The following MEGF6 variants were observed in gnomAD, a reference collection of about 807,000 sequenced individuals.
The protein encoded by MEGF6 is multiple epidermal growth factor-like domains protein 6.
MEGF6 carries 184 observed loss-of-function variants against 207.1 expected under a neutral mutation model. The ratio of observed to expected loss-of-function variants is 0.89; its 90% CI spans 0.79 to 1.00. The LOEUF is 1.00. Among genes scored for constraint, MEGF6 ranks in the 50% least tolerant of loss-of-function variants. MEGF6 has a pLI of 0.00. For missense variants in MEGF6, 2,282 were observed against 2,202.9 expected, an observed-to-expected ratio of 1.04 and a Z score of -0.72; for synonymous variants, 1,038 against 910.0, an observed-to-expected ratio of 1.14 and a Z score of -2.53.
intron 3 of MEGF6, among the ~76,000 whole-genome samples, chr1:3,582,006 C>T (rs907655883): frequency 1.3e-5 from 2 of 152,226 alleles, no homozygotes; most frequent in African/African-American, 4.8e-5. Flanking sequence ...AAAATCCCAG[C>T]CAGATCCAGC....
intron 4 of MEGF6, among the ~76,000 whole-genome samples, chr1:3,563,929 C>A (rs540611614): frequency 6.6e-6 from 1 of 152,174 alleles, no homozygotes; most frequent in Non-Finnish European, 1.5e-5. Flanking sequence ...CAAAACCCTG[C>A]GACCTGAGGG....
chr1:3,501,120 T>C (rs779359694), intron 19 of MEGF6, 26 bp from the exon 20 acceptor site: 2 of 1,612,242 alleles, frequency 1.2e-6, no homozygotes, highest in South Asian at 2.2e-5. Flanking sequence ...AGAGGGTGAG[T>C]GGGGCCTGGC....
chr1:3,605,705 C>G (rs1250319665), intron 1 of MEGF6, among the ~76,000 whole-genome samples: 3 of 152,202 alleles, frequency 2.0e-5, no homozygotes, highest in Non-Finnish European at 2.9e-5. Flanking sequence ...CTCTCAAACT[C>G]CCATTCACAC....
intron 1 of MEGF6, among the ~76,000 whole-genome samples, chr1:3,607,244 C>T (rs963159095): frequency 6.6e-6 from 1 of 151,994 alleles, no homozygotes; most frequent in African/African-American, 2.4e-5. Context: ...CCCTGGACCA[C>T]CCAGCAGCCC....
rs146089360 is a variant in MEGF6, at chr1:3,497,963, G to A, written c.3352+408C>T. Among the ~76,000 whole-genome samples, 1,278 of 152,264 alleles carry A rather than the reference G, an allele frequency of 8.4e-3. 18 individuals are homozygous for A. The highest frequency in any genetic ancestry group is 0.027 in the Middle Eastern group (8 of 294). On this transcript the variant is annotated intron_variant, in intron 26 of 36. Coordinates refer to ENST00000356575, the MANE Select transcript of MEGF6 (RefSeq NM_001409.4). The stretch of plus-strand genomic sequence containing the variant: ...CTCTGGAGGGGCTGAGGCCCCGCTG[G>A]GTGGACCAGGCCCTGCCGGCACAGC...
Position 3,490,110 on chromosome 1 carries a change from G to T in MEGF6, c.*418C>A, listed in dbSNP as rs1187753200. 4.9e-6 allele frequency: 1 copy of T among 204,806 alleles called. No individual in the cohort carries two copies. Among genetic ancestry groups the T allele is most frequent in the South Asian group, 9.7e-5 (1 of 10,312 alleles). 12.7% of individuals were successfully genotyped at this position (204,806 alleles called of 1,614,324 possible). On this transcript the variant is annotated 3_prime_UTR_variant, in exon 37 of 37. Coordinates refer to ENST00000356575, the MANE Select transcript of MEGF6 (RefSeq NM_001409.4). ...CCCATAAATACCTTTACATAAATACGGGCTGGGCGACTTCCAGTCCCAGGG... is the reference window on the plus strand; with the variant it reads ...CCCATAAATACCTTTACATAAATACTGGCTGGGCGACTTCCAGTCCCAGGG...
At chr1:3,517,254 C>T (rs1353383407) in intron 5 of MEGF6, among the ~76,000 whole-genome samples, 2 of 152,344 alleles carry the variant, frequency 1.3e-5, no homozygotes, top group East Asian at 1.9e-4. Flanking sequence ...CCACAAGGGC[C>T]CAGGAGGCTG....
chr1:3,501,620 T>G (rs1640871256), intron 18 of MEGF6, among the ~76,000 whole-genome samples, 176 bp downstream of exon 18: 1 of 151,996 alleles, frequency 6.6e-6, no homozygotes, highest in Admixed American at 6.5e-5. Flanking sequence ...CCCAGGAACT[T>G]GGTGGGGCAG....
intron 32 of MEGF6, 51 bp from the exon 33 acceptor site, chr1:3,494,175 C>A (rs1220629293): frequency 6.6e-7 from 1 of 1,518,690 alleles, no homozygotes; most frequent in Admixed American, 2.1e-5. Flanking sequence ...GCAGAAATGT[C>A]CAGTTTGCCC....
At chr1:3,541,631 C>T (rs1642524939) in intron 4 of MEGF6, among the ~76,000 whole-genome samples, 1 of 152,234 alleles carries the variant, frequency 6.6e-6, no homozygotes, top group Non-Finnish European at 1.5e-5. Context: ...CGGTCAGCGC[C>T]CAGGCTTCCT....
intron 12 of MEGF6, 144 bp from the exon 13 acceptor site, chr1:3,508,833 C>G: frequency 8.5e-7 from 1 of 1,172,218 alleles, no homozygotes; most frequent in Non-Finnish European, 1.2e-6. Context: ...GACATGGGGA[C>G]AGATGCTGGG....
rs541206898 is a variant in MEGF6 at position 3,554,833 on chromosome 1, A to T, written c.481+24992T>A. Among the ~76,000 whole-genome samples, 72 of 152,354 alleles carry T rather than the reference A, an allele frequency of 4.7e-4. No individual in the cohort carries two copies. In the South Asian group the frequency reaches 9.1e-3, roughly 19 times the overall value. On this transcript the variant is annotated intron_variant, in intron 4 of 36. Coordinates refer to ENST00000356575, the MANE Select transcript of MEGF6 (RefSeq NM_001409.4). ...TGATCACATCTACAAAGTCGTTGCCATTCAAGGTAAAGGTCACAGTTCCCT... is the reference window on the plus strand; with the variant it reads ...TGATCACATCTACAAAGTCGTTGCCTTTCAAGGTAAAGGTCACAGTTCCCT...
chr1:3,492,842 G>C, intron 34 of MEGF6, 75 bp from the exon 35 acceptor site: 8 of 1,550,650 alleles, frequency 5.2e-6, no homozygotes, highest in Non-Finnish European at 6.1e-6. Flanking sequence ...CCTGGGCCTA[G>C]GGGCCCGCGG....
In MEGF6 at chr1:3,541,333, C is replaced by A. The variant is rs77282509; in HGVS notation, c.482-17087G>T. On this transcript the variant is annotated intron_variant, in intron 4 of 36. Transcript: ENST00000356575. ...CTCTTCCGGTTCAGCAAGAGCACAT[C>A]GTCCCAGGAAGCAACAAAGTCCTGG... is the stretch of plus-strand genomic sequence containing the variant. Among the ~76,000 whole-genome samples the A allele has an allele frequency of 1.1e-4, 16 of 152,278 alleles. No homozygotes were observed. The East Asian group carries it at 1.9e-3, about 18-fold the overall frequency.
Position 3,562,806 on chromosome 1 carries a change from G to A in MEGF6, c.481+17019C>T, listed in dbSNP as rs185260626. On this transcript the variant is annotated intron_variant, in intron 4 of 36. Transcript: ENST00000356575. ...TGCTGACCAGCCCCTCGACCAGACC[G>A]CCCCGTCCAGCACTCAAGGCCAGCA... is the stretch of plus-strand genomic sequence containing the variant. 2.4e-3 allele frequency among the ~76,000 whole-genome samples: 358 copies of A among 152,178 alleles called. 2 individuals carry two copies. Among genetic ancestry groups the A allele is most frequent in the African/African-American group, 8.1e-3 (338 of 41,516 alleles).
chr1:3,496,804 T>TGCAGGG (rs1376317914), intron 28 of MEGF6, 21 bp from the exon 29 acceptor site: 1 of 1,550,050 alleles, frequency 6.5e-7, no homozygotes, highest in Non-Finnish European at 8.7e-7. Context: ...AGGGGCTAGC[T>TGCAGGG]GCAGGGGCTG....
chr1:3,582,167 G>A (rs555393606), intron 3 of MEGF6, among the ~76,000 whole-genome samples: 31 of 152,286 alleles, frequency 2.0e-4, no homozygotes, highest in African/African-American at 7.0e-4. Context: ...GTCCAGGACA[G>A]ACATTAATTG....
At chr1:3,566,187 C>A (rs769944546) in intron 4 of MEGF6, among the ~76,000 whole-genome samples, 4 of 152,254 alleles carry the variant, frequency 2.6e-5, no homozygotes, top group Non-Finnish European at 5.9e-5. Flanking sequence ...TGATGCTGCC[C>A]AGGCCCCCGG....
intron 4 of MEGF6, among the ~76,000 whole-genome samples, chr1:3,577,222 G>A (rs899137009): frequency 1.1e-4 from 16 of 152,274 alleles, no homozygotes; most frequent in African/African-American, 2.4e-4. Flanking sequence ...TGAAGGCCAC[G>A]TCTGCCCCAA....
Sources: allele counts gnomAD v4.1 joint callset (sites outside exome capture counted in the v4.1 genomes callset), GRCh38; gene constraint gnomAD v4.1.1; transcripts MANE v1.5; gene names NCBI Gene and HGNC (gene_info 2026-07-23, HGNC 2026-07-21).